RERGL: variants seen among roughly 807,000 people sequenced by gnomAD.
RERGL encodes ras-related and estrogen-regulated growth inhibitor-like protein.
In RERGL, 22 loss-of-function variants were observed where a neutral mutation model predicts 24.7. The observed-to-expected ratio is 0.89, with a 90% CI of 0.64 to 1.27. RERGL has a LOEUF of 1.27. RERGL is among the 50% of genes most tolerant of loss of function. The pLI, the probability that RERGL is intolerant of heterozygous loss-of-function variation, is 0.00. For synonymous variants in RERGL, 76 were observed against 82.6 expected, an observed-to-expected ratio of 0.92 and a Z score of 0.43; for missense variants, 259 against 235.3, an observed-to-expected ratio of 1.10 and a Z score of -0.66.
chr12:18,088,223 A>G (rs1029809511), intron 2 of RERGL, among the ~76,000 whole-genome samples: 3 of 152,092 alleles, frequency 2.0e-5, no homozygotes, highest in Non-Finnish European at 4.4e-5. Context: ...TGGGTAAGAT[A>G]TTAGCACCAT....
chr12:18,090,100 G>C lies in RERGL; in HGVS notation c.41C>G (p.Thr14Arg). 1 of 1,533,080 alleles carries C rather than the reference G, an allele frequency of 6.5e-7. No homozygotes were observed. Among genetic ancestry groups the C allele is most frequent in the Non-Finnish European group, 8.7e-7 (1 of 1,145,584 alleles). The allele number at this position is 1,533,080 out of a possible 1,614,324, so 95.0% of individuals were successfully genotyped here. The change falls in exon 1 of 5, where the codon ACA becomes AGA. Residue 14 changes from threonine (T) to arginine (R), a missense_variant. By Grantham distance (71) the Thr-to-Arg change is moderately conservative. Transcript: ENST00000538724. ...VKLAVLGGEGTGKSALTVRFL... is the reference protein window; with the variant it reads ...VKLAVLGGEGRGKSALTVRFL... ...ATGTCACCACTCACCAGATTTGCCT[G>C]TTCCTTCACCACCCAAGACAGCAAG...
At chr12:18,089,338 T>C (rs2136835722) in intron 1 of RERGL, 1 of 1,505,126 alleles carries the variant, frequency 6.6e-7, no homozygotes, top group Non-Finnish European at 8.9e-7. Flanking sequence ...TGTGTAATAG[T>C]CACAAAGACA....
At chr12:18,089,044 CA>C (rs925179373) in intron 1 of RERGL, 88 bp from the exon 2 acceptor site, 2 of 1,204,456 alleles carry the variant, frequency 1.7e-6, no homozygotes, top group Admixed American at 2.1e-5. Context: ...GTTCTTAAAC[CA>C]AAAATATTCA....
intron 3 of RERGL, among the ~76,000 whole-genome samples, 182 bp downstream of exon 3, chr12:18,085,438 T>C (rs938857247): frequency 6.6e-5 from 10 of 152,200 alleles, no homozygotes; most frequent in African/African-American, 2.4e-4. Context: ...TGCTAGATGA[T>C]GGAACTGACA....
intron 2 of RERGL, among the ~76,000 whole-genome samples, chr12:18,086,519 C>G (rs576118832): frequency 2.0e-5 from 3 of 152,204 alleles, no homozygotes; most frequent in African/African-American, 7.2e-5. Context: ...TGTAGTTGAT[C>G]ATTCCTACCT....
In RERGL at chr12:18,084,654, T is replaced by C. The variant is rs565253385; in HGVS notation, c.195A>G (p.Ala65=). 2 of 1,609,036 alleles carry C rather than the reference T, an allele frequency of 1.2e-6. No individual in the cohort carries two copies. The highest frequency in any genetic ancestry group is 1.7e-6 in the Non-Finnish European group (2 of 1,178,442). The change falls in exon 4 of 5, where the codon GCA becomes GCG. Residue 65 remains alanine (A), a synonymous_variant. Coordinates refer to ENST00000538724, the MANE Select transcript of RERGL (RefSeq NM_001286201.2). ...GAAGCTCACTTGTGAGGGAGAATTT[T>C]GCTTTCTGTGTCTGAAAATAAACCA... ...IYDPCSQTQK[A]KFSLTSELHW...
At chr12:18,086,048 T>C (rs1485691187) in intron 2 of RERGL, among the ~76,000 whole-genome samples, 1 of 126,930 alleles carries the variant, frequency 7.9e-6, no homozygotes, top group Non-Finnish European at 1.7e-5. Context: ...TTTTTTTTTG[T>C]ATTTTTAGTA....
Position 18,080,911 on chromosome 12 carries a change from T to A in RERGL, c.*280A>T. Reference sequence around the variant, plus strand: ...ATAAATTCACATAAACAGAGTTTATTTGGCAAGGCAAACTGGGATCGCTGT... The same window carrying A: ...ATAAATTCACATAAACAGAGTTTATATGGCAAGGCAAACTGGGATCGCTGT... On this transcript the variant is annotated 3_prime_UTR_variant, in exon 5 of 5. Transcript: ENST00000538724. 1 of 246,800 alleles carries A rather than the reference T, an allele frequency of 4.1e-6. No homozygotes were observed. Among genetic ancestry groups the A allele is most frequent in the Non-Finnish European group, 7.8e-6 (1 of 128,450 alleles). 15.3% of individuals were successfully genotyped at this position (246,800 alleles called of 1,614,324 possible).
chr12:18,083,370 T>C (rs1431751631), intron 4 of RERGL, among the ~76,000 whole-genome samples: 1 of 152,158 alleles, frequency 6.6e-6, no homozygotes, highest in Non-Finnish European at 1.5e-5. Flanking sequence ...GAGTGATTAC[T>C]CTGATTTGAA....
intron 4 of RERGL, among the ~76,000 whole-genome samples, chr12:18,082,797 A>C (rs1947186025): frequency 6.6e-6 from 1 of 152,174 alleles, no homozygotes; most frequent in Non-Finnish European, 1.5e-5. Context: ...CTCTAGAGAA[A>C]ATTGTATAAT....
intron 1 of RERGL, 59 bp downstream of exon 1, chr12:18,090,030 T>C: frequency 7.8e-7 from 1 of 1,274,370 alleles, no homozygotes; most frequent in African/African-American, 1.5e-5. Flanking sequence ...ATGGTTAACA[T>C]GTCAATGTTT....
At chr12:18,089,518 T>C (rs576200820) in intron 1 of RERGL, 4 of 484,954 alleles carry the variant, frequency 8.2e-6, no homozygotes, top group African/African-American at 8.1e-5. Flanking sequence ...ACCATTATAA[T>C]GTGACCGAAA....
At chr12:18,085,852 T>C (rs867283264) in intron 2 of RERGL, among the ~76,000 whole-genome samples, 159 bp from the exon 3 acceptor site, 5 of 100,274 alleles carry the variant, frequency 5.0e-5, no homozygotes, top group Non-Finnish European at 8.3e-5. Context: ...ATGTTTCTTT[T>C]TTTTTTTTTT....
chr12:18,086,024 ATTTTTT>A (rs577015041), intron 2 of RERGL, among the ~76,000 whole-genome samples: 23,096 of 125,090 alleles, frequency 0.18, 2,399 homozygotes, highest in East Asian at 0.5. Flanking sequence ...CGCCTGGCCA[ATTTTTT>A]TTTTTTTTTT....
intron 4 of RERGL, among the ~76,000 whole-genome samples, chr12:18,082,925 G>T (rs1254307153): frequency 6.6e-6 from 1 of 152,046 alleles, no homozygotes; most frequent in Non-Finnish European, 1.5e-5. Context: ...AATAGAGTTT[G>T]AGTTGAAGAA....
chr12:18,085,518 C>T, intron 3 of RERGL, 102 bp downstream of exon 3: 1 of 767,722 alleles, frequency 1.3e-6, no homozygotes, highest in Non-Finnish European at 2.1e-6. Context: ...AACACCGCAA[C>T]TTTTCACTTT....
rs76319953 is a variant in RERGL at position 18,086,771 on chromosome 12, T to C, written c.110-1078A>G. ...AATTATTTCTGATGAACCCAACTTA[T>C]GTCTGAAGCCCAGACCTCATCCCTG... On this transcript the variant is annotated intron_variant, in intron 2 of 4. Transcript: ENST00000538724. Among the ~76,000 whole-genome samples, 756 of 152,286 alleles carry C rather than the reference T, an allele frequency of 5.0e-3. 4 individuals carry two copies. The highest frequency in any genetic ancestry group is 0.021 in the South Asian group (102 of 4,814).
chr12:18,085,983 G>A (rs1444977801), intron 2 of RERGL, among the ~76,000 whole-genome samples: 3 of 148,302 alleles, frequency 2.0e-5, no homozygotes, highest in Admixed American at 6.8e-5. Flanking sequence ...TCAGCCTCCC[G>A]AGTAGCTGGG....
At position 18,090,074 on chromosome 12, in the gene RERGL, G is replaced by T. The variant is rs1009532869; in HGVS notation, c.52+15C>A. 5.2e-6 allele frequency: 8 copies of T among 1,526,436 alleles called. No homozygotes were observed. In the African/African-American group the frequency reaches 1.1e-4, roughly 21 times the overall value. 94.6% of individuals were successfully genotyped at this position (1,526,436 alleles called of 1,614,324 possible). ...TTCTACACTCTATGATAACAGAGAA[G>T]ATGTCACCACTCACCAGATTTGCCT... is the stretch of plus-strand genomic sequence containing the variant. On this transcript the variant is annotated intron_variant, in intron 1 of 4. Coordinates refer to ENST00000538724, the MANE Select transcript of RERGL (RefSeq NM_001286201.2).
Sources: allele counts gnomAD v4.1 joint callset (sites outside exome capture counted in the v4.1 genomes callset), GRCh38; gene constraint gnomAD v4.1.1; transcripts MANE v1.5; gene names NCBI Gene and HGNC (gene_info 2026-07-23, HGNC 2026-07-21).